HSD17B12: variants seen among roughly 807,000 people sequenced by gnomAD.
The protein encoded by HSD17B12 is very-long-chain 3-oxoacyl-CoA reductase.
In HSD17B12, 32 loss-of-function variants were observed where a neutral mutation model predicts 39.3. The ratio of observed to expected loss-of-function variants is 0.81; its 90% confidence interval spans 0.61 to 1.09. The LOEUF (loss-of-function observed/expected upper bound fraction) is 1.09, where lower values mean the gene tolerates loss of function less well. Ranked by LOEUF, HSD17B12 falls within the 50% of genes least tolerant of loss-of-function variation. The pLI is 0.00. For missense variants in HSD17B12, 342 were observed against 382.9 expected (o/e 0.89, Z 0.89); for synonymous variants, 150 against 146.7 (o/e 1.02, Z -0.16).
the HSD17B12 span, among the ~76,000 whole-genome samples, chr11:43,640,142 G>A: frequency 6.6e-6 from 1 of 152,020 alleles, no homozygotes; most frequent in Admixed American, 6.6e-5. Flanking sequence ...AAAAAAGTGG[G>A]GAATGGTGGA....
intron 7 of HSD17B12, among the ~76,000 whole-genome samples, chr11:43,834,941 A>T (rs1454142063): frequency 1.3e-5 from 2 of 152,196 alleles, no homozygotes; most frequent in Non-Finnish European, 2.9e-5. Context: ...CCACTGAGAC[A>T]GCATTGTGTG....
chr11:43,837,588 G>A (rs183284947), intron 7 of HSD17B12, among the ~76,000 whole-genome samples: 43 of 152,222 alleles, frequency 2.8e-4, no homozygotes, highest in Admixed American at 2.8e-3. Context: ...TAAACTTTCA[G>A]TAGTCTCTAA....
At chr11:43,703,816 G>T (rs550363632) in intron 1 of HSD17B12, among the ~76,000 whole-genome samples, 2 of 151,036 alleles carry the variant, frequency 1.3e-5, no homozygotes, top group African/African-American at 4.9e-5. Context: ...AATTAGTCTG[G>T]CTAAAGGTTT....
intron 1 of HSD17B12, among the ~76,000 whole-genome samples, chr11:43,750,035 C>A (rs1950450411): frequency 6.6e-6 from 1 of 152,124 alleles, no homozygotes; most frequent in African/African-American, 2.4e-5. Flanking sequence ...TATGGTTTCT[C>A]ATAGAATAAT....
At chr11:43,570,255 C>T in the HSD17B12 span, 4 of 152,202 alleles carry the variant, frequency 2.6e-5, no homozygotes, top group Non-Finnish European at 4.4e-5. Context: ...AGTGAAACAG[C>T]TTACTCAAGA....
intron 6 of HSD17B12, among the ~76,000 whole-genome samples, chr11:43,824,567 C>G (rs574452735): frequency 6.6e-6 from 1 of 152,290 alleles, no homozygotes; most frequent in African/African-American, 2.4e-5. Flanking sequence ...GGCAAACAAG[C>G]TCCCTCAGGC....
chr11:43,670,413 T>A, the HSD17B12 span: 38 of 152,328 alleles, frequency 2.5e-4, no homozygotes, highest in Non-Finnish European at 5.4e-4. Flanking sequence ...CATATATATT[T>A]AAAAGCAGTA....
chr11:43,764,792 G>A (rs560676097), intron 3 of HSD17B12, among the ~76,000 whole-genome samples: 5 of 152,162 alleles, frequency 3.3e-5, no homozygotes, highest in African/African-American at 1.2e-4. Flanking sequence ...TAATCTATAA[G>A]TGCTTTATAT....
intron 1 of HSD17B12, among the ~76,000 whole-genome samples, chr11:43,748,275 C>T (rs1950430074): frequency 6.6e-6 from 1 of 152,104 alleles, no homozygotes; most frequent in Non-Finnish European, 1.5e-5. Flanking sequence ...GAATACTACA[C>T]AGCCATGAAA....
intron 1 of HSD17B12, among the ~76,000 whole-genome samples, chr11:43,731,185 C>T (rs770049521): frequency 8.5e-5 from 13 of 152,156 alleles, no homozygotes; most frequent in Middle Eastern, 3.4e-3. Context: ...TTAGTTGAGA[C>T]GGGGTTTCAC....
the HSD17B12 span, among the ~76,000 whole-genome samples, chr11:43,567,474 A>T: frequency 6.6e-6 from 1 of 152,236 alleles, no homozygotes; most frequent in Non-Finnish European, 1.5e-5. Flanking sequence ...TTCTCTAAGT[A>T]AAATATTTCT....
At chr11:43,613,687 G>A in the HSD17B12 span, among the ~76,000 whole-genome samples, 1 of 146,892 alleles carries the variant, frequency 6.8e-6, no homozygotes, top group Non-Finnish European at 1.5e-5. Flanking sequence ...TTTTTTTTGA[G>A]ATGGAGTCTC....
At chr11:43,717,804 C>CTTTT (rs34501307) in intron 1 of HSD17B12, among the ~76,000 whole-genome samples, 21 of 130,190 alleles carry the variant, frequency 1.6e-4, no homozygotes, top group Non-Finnish European at 1.8e-4. Context: ...TCTTCTTCTT[C>CTTTT]TTTTTTTTTT....
chr11:43,581,983 T>C, the HSD17B12 span, among the ~76,000 whole-genome samples: 2 of 152,262 alleles, frequency 1.3e-5, no homozygotes, highest in African/African-American at 4.8e-5. This position sits in a 1 kb window ranked among gnomAD's most constrained non-coding sequence, Gnocchi z 4.9. Context: ...CTTAGTATCT[T>C]ATGTCCTGGT....
chr11:43,792,612 A>G (rs1950877813), intron 3 of HSD17B12, among the ~76,000 whole-genome samples: 1 of 150,912 alleles, frequency 6.6e-6, no homozygotes, highest in African/African-American at 2.4e-5. Flanking sequence ...AAATGTTTGA[A>G]TTTATATGAG....
At chr11:43,812,496 G>A (rs1951082561) in intron 4 of HSD17B12, among the ~76,000 whole-genome samples, 1 of 152,126 alleles carries the variant, frequency 6.6e-6, no homozygotes, top group Admixed American at 6.5e-5. Flanking sequence ...TCATTTATCT[G>A]CTGGCCATTT....
intron 3 of HSD17B12, among the ~76,000 whole-genome samples, chr11:43,754,578 AAAAC>A (rs1950493458): frequency 1.3e-5 from 2 of 152,304 alleles, no homozygotes; most frequent in South Asian, 2.1e-4. Context: ...TCCATCTCAG[AAAAC>A]AAACAAACAA....
At chr11:43,718,832 C>A in intron 1 of HSD17B12, 3 of 875,292 alleles carry the variant, frequency 3.4e-6, no homozygotes, top group Non-Finnish European at 1.9e-6. Context: ...CAAGACACCA[C>A]GACTCCGGAA....
the HSD17B12 span, among the ~76,000 whole-genome samples, chr11:43,634,682 C>A: frequency 6.6e-6 from 1 of 152,294 alleles, no homozygotes; most frequent in Admixed American, 6.5e-5. Context: ...GTATCCAGTT[C>A]TCTCCAGTGT....
Sources: gnomAD v4.1 joint callset for allele counts (sites outside exome capture counted in the v4.1 genomes callset) on GRCh38, gnomAD v4.1.1 for gene constraint, Gnocchi (gnomAD v3.1) non-coding constraint, MANE v1.5 for transcripts, NCBI Gene and HGNC (gene_info 2026-07-23, HGNC 2026-07-21) for gene names.